The following QSER1 variants were observed in gnomAD, a reference collection of about 807,000 sequenced individuals.
QSER1 encodes the protein glutamine and serine-rich protein 1.
Under a neutral mutation model 158.5 loss-of-function variants are expected in QSER1, and 49 were observed. That is an observed-to-expected ratio of 0.31 (90% CI 0.25 to 0.39). The LOEUF (loss-of-function observed/expected upper bound fraction) is 0.39, where lower values mean the gene tolerates loss of function less well. QSER1 is among the 10% of genes least tolerant of loss of function. The pLI, the probability that QSER1 is intolerant of heterozygous loss-of-function variation, is 1.00. For missense variants in QSER1, 1,754 were observed against 2,010.3 expected (o/e 0.87, Z 2.44); for synonymous variants, 650 against 715.5 (o/e 0.91, Z 1.46).
chr11:32,913,113 A>C (rs1168420375), intron 1 of QSER1, among the ~76,000 whole-genome samples: 3 of 141,902 alleles, frequency 2.1e-5, no homozygotes, highest in African/African-American at 8.0e-5. Context: ...AGGTCTTCAT[A>C]TATGTGATTT....
At chr11:32,912,674 G>A (rs1851782565) in intron 1 of QSER1, among the ~76,000 whole-genome samples, 1 of 152,080 alleles carries the variant, frequency 6.6e-6, no homozygotes, top group South Asian at 2.1e-4. Context: ...ATTAGGAGGT[G>A]GAGGTGGAAG....
intron 1 of QSER1, among the ~76,000 whole-genome samples, chr11:32,897,954 G>C (rs1003381748): frequency 1.3e-5 from 2 of 152,308 alleles, no homozygotes; most frequent in East Asian, 3.9e-4. Context: ...GAAACTGTCT[G>C]CTTCTTTTGT....
At chr11:32,966,019 A>G (rs1852740097) in intron 8 of QSER1, among the ~76,000 whole-genome samples, 3 of 149,078 alleles carry the variant, frequency 2.0e-5, no homozygotes, top group Non-Finnish European at 4.5e-5. Context: ...AGAGCATAAT[A>G]CTTAAGCTTC....
At chr11:32,900,110 C>T (rs372259792) in intron 1 of QSER1, among the ~76,000 whole-genome samples, 45 of 152,314 alleles carry the variant, frequency 3.0e-4, no homozygotes, top group African/African-American at 9.9e-4. Flanking sequence ...CCATAATTTC[C>T]TGCATGGATA....
intron 1 of QSER1, among the ~76,000 whole-genome samples, chr11:32,917,083 G>C (rs1011088520): frequency 6.6e-6 from 1 of 152,160 alleles, no homozygotes; most frequent in African/African-American, 2.4e-5. Flanking sequence ...CACCACGCCC[G>C]GCCGGGCATG....
chr11:32,956,234 C>G (rs1852509761), intron 7 of QSER1, 113 bp downstream of exon 7: 16 of 896,344 alleles, frequency 1.8e-5, no homozygotes, highest in Non-Finnish European at 2.7e-5. Flanking sequence ...ATACACAAGT[C>G]AAAAAATTTC....
At chr11:32,904,887 GTTC>G (rs1281684641) in intron 1 of QSER1, among the ~76,000 whole-genome samples, 1 of 152,060 alleles carries the variant, frequency 6.6e-6, no homozygotes, top group African/African-American at 2.4e-5. Flanking sequence ...ATACTTCTCT[GTTC>G]TTGTTTATTG....
intron 8 of QSER1, 24 bp from the exon 9 acceptor site, chr11:32,966,276 T>C: frequency 1.9e-6 from 3 of 1,601,776 alleles, no homozygotes; most frequent in Non-Finnish European, 2.6e-6. Context: ...GAAAATTTAA[T>C]ATTTAACCCT....
rs1277947801 is a variant in QSER1 at position 32,934,280 on chromosome 11, C to G, written c.3022C>G (p.Gln1008Glu). ...CAAGTCAACTTCAAATGAAACCATG[C>G]AGGCTGTTGAAGATGGTGATTCTAA... Reference protein sequence around the residue: ...FSKSTSNETMQAVEDGDSKSH... With the variant: ...FSKSTSNETMEAVEDGDSKSH... Residue 1008 changes from glutamine to glutamate, a missense_variant, in exon 4 of 13, where the codon CAG becomes GAG. Coordinates refer to ENST00000650167, the MANE Select transcript of QSER1 (RefSeq NM_001076786.3). 2 of 1,614,006 alleles carry G rather than the reference C, an allele frequency of 1.2e-6. No homozygotes were observed. The highest frequency in any genetic ancestry group is 2.2e-5 in the East Asian group (1 of 44,880).
At chr11:32,905,976 TA>T (rs1314634907) in intron 1 of QSER1, among the ~76,000 whole-genome samples, 1 of 152,184 alleles carries the variant, frequency 6.6e-6, no homozygotes. Flanking sequence ...TGTTTCAAAA[TA>T]TATACTCCTC....
rs549945792 is a variant in QSER1 at position 32,934,383 on chromosome 11, C to T, written c.3125C>T (p.Pro1042Leu). 2.4e-5 allele frequency: 39 copies of T among 1,613,606 alleles called. No individual in the cohort carries two copies. Among genetic ancestry groups the T allele is most frequent in the Non-Finnish European group, 3.3e-5 (39 of 1,179,916 alleles). The part of the protein sequence containing the change: ...FNSMTATVGK[P>L]QNINDTSLNG... ...TCTATGACAGCTACAGTAGGAAAGC[C>T]ACAGAATATAAATGATACTTCCTTA... Residue 1042 changes from proline (P) to leucine (L), a missense_variant, in exon 4 of 13, where the codon CCA becomes CTA. Pro to Leu is a moderately conservative substitution (Grantham distance 98). Transcript: ENST00000650167.
rs968554792 is a variant in QSER1, at chr11:32,935,275, C to G, written c.4017C>G (p.Asn1339Lys). The part of the protein sequence containing the change: ...PTPLVSETGG[N>K]SPSDKVDNEL... ...CTTTAGTGTCTGAAACTGGCGGTAA[C>G]AGTCCATCAGATAAAGTTGATAATG... is the stretch of plus-strand genomic sequence containing the variant. Residue 1339 changes from asparagine to lysine, a missense_variant, in exon 4 of 13, where the codon AAC (asparagine) becomes AAG (lysine). Physicochemically the swap from Asn to Lys is moderately conservative, Grantham distance 94. Coordinates refer to ENST00000650167, the MANE Select transcript of QSER1 (RefSeq NM_001076786.3). The G allele has an allele frequency of 7.4e-6, 12 of 1,613,784 alleles. No homozygotes were observed. Among genetic ancestry groups the G allele is most frequent in the Non-Finnish European group, 1.0e-5 (12 of 1,179,946 alleles).
chr11:32,904,958 C>G (rs1277862480), intron 1 of QSER1, among the ~76,000 whole-genome samples: 1 of 152,062 alleles, frequency 6.6e-6, no homozygotes, highest in African/African-American at 2.4e-5. Context: ...CTGTGTTTTC[C>G]CCCACTTGCC....
intron 12 of QSER1, 126 bp from the exon 13 acceptor site, chr11:32,976,208 C>A: frequency 1.2e-6 from 1 of 851,414 alleles, no homozygotes; most frequent in Non-Finnish European, 1.7e-6. Context: ...AGATCTCACC[C>A]AAATTTAGCT....
chr11:32,946,577 G>A (rs1332192516), intron 4 of QSER1, among the ~76,000 whole-genome samples: 5 of 152,258 alleles, frequency 3.3e-5, no homozygotes, highest in Admixed American at 1.3e-4. Flanking sequence ...TTAGGAGGCA[G>A]TCTGCCCGTT....
chr11:32,918,713 C>T (rs1473026740), intron 1 of QSER1, among the ~76,000 whole-genome samples: 1 of 151,962 alleles, frequency 6.6e-6, no homozygotes, highest in Admixed American at 6.6e-5. Flanking sequence ...GGCAAGGAAA[C>T]CAGTTAGGTA....
rs761925058 is a variant in QSER1, at chr11:32,958,010, A to G, written c.4893A>G (p.Lys1631=). 3 of 1,614,068 alleles carry G rather than the reference A, an allele frequency of 1.9e-6. No homozygotes were observed. The East Asian group carries it at 6.7e-5, about 36-fold the overall frequency. Residue 1631 remains lysine, a synonymous_variant, in exon 8 of 13, where the codon AAA becomes AAG. Coordinates refer to ENST00000650167, the MANE Select transcript of QSER1 (RefSeq NM_001076786.3). ...CTGAGCCACCACCAAAGAAACGGAA[A>G]AAATGGAAAGAAGAATTTTCATCAT... ...VKAEPPPKKR[K]KWKEEFSSSQ...
At chr11:32,917,842 A>AAC (rs963394291) in intron 1 of QSER1, among the ~76,000 whole-genome samples, 12 of 151,478 alleles carry the variant, frequency 7.9e-5, no homozygotes, top group Non-Finnish European at 1.8e-4. Context: ...AAAAAAAAAA[A>AAC]AACCAGCATT....
intron 1 of QSER1, among the ~76,000 whole-genome samples, chr11:32,905,579 T>C (rs188856307): frequency 1.1e-3 from 161 of 152,336 alleles, no homozygotes; most frequent in African/African-American, 3.6e-3. Flanking sequence ...ACCCAAAACT[T>C]AGAGATGGTC....
Sources: gnomAD v4.1 joint callset for allele counts (sites outside exome capture counted in the v4.1 genomes callset) on GRCh38, gnomAD v4.1.1 for gene constraint, MANE v1.5 for transcripts, NCBI Gene and HGNC (gene_info 2026-07-23, HGNC 2026-07-21) for gene names.